MMP26: variants seen among roughly 807,000 people sequenced by gnomAD.
MMP26 encodes the protein matrix metalloproteinase-26.
Under a neutral mutation model 31.0 loss-of-function variants are expected in MMP26, and 33 were observed. The ratio of observed to expected loss-of-function variants is 1.06; its 90% confidence interval spans 0.81 to 1.42. The LOEUF (loss-of-function observed/expected upper bound fraction) is 1.42, where lower values mean the gene tolerates loss of function less well. MMP26 is among the 40% of genes most tolerant of loss of function. The pLI, the probability that MMP26 is intolerant of heterozygous loss-of-function variation, is 0.00. For synonymous variants in MMP26, 122 were observed against 114.9 expected (o/e 1.06, Z -0.40); for missense variants, 347 against 316.1 (o/e 1.10, Z -0.74).
At chr11:4,779,669 C>A (rs1589898181) in intron 2 of MMP26, among the ~76,000 whole-genome samples, 1 of 152,172 alleles carries the variant, frequency 6.6e-6, no homozygotes, top group East Asian at 1.9e-4. Context: ...TTTCTTTCTT[C>A]CTTACATTAG....
intron 1 of MMP26, among the ~76,000 whole-genome samples, chr11:4,737,556 T>G (rs1264941078): frequency 6.6e-6 from 1 of 152,190 alleles, no homozygotes; most frequent in Non-Finnish European, 1.5e-5. Context: ...GGCAGGAGAA[T>G]CGCTTGAACC....
At position 4,804,843 on chromosome 11, in the gene MMP26, G is replaced by A. The variant is rs984346568; in HGVS notation, c.-145+37502G>A. On this transcript the variant is annotated intron_variant, in intron 2 of 7. Transcript: ENST00000380390. ...CCATTAGCCAGGCATGGTAGAGCACGCCTATAGTCCCAGCTACTCAGGAGG... is the reference window on the plus strand; with the variant it reads ...CCATTAGCCAGGCATGGTAGAGCACACCTATAGTCCCAGCTACTCAGGAGG... 3.3e-5 allele frequency among the ~76,000 whole-genome samples: 5 copies of A among 151,100 alleles called. No individual in the cohort carries two copies. In the South Asian group the frequency reaches 1.1e-3, roughly 32 times the overall value.
intron 2 of MMP26, among the ~76,000 whole-genome samples, chr11:4,830,776 T>C (rs183725181): frequency 1.3e-3 from 199 of 152,230 alleles, no homozygotes; most frequent in Non-Finnish European, 2.2e-3. Context: ...AGGAGTATGA[T>C]CAGGATCAAA....
Position 4,830,659 on chromosome 11 carries a change from AC to A in MMP26, c.-145+63320del, listed in dbSNP as rs1449453901. Among the ~76,000 whole-genome samples the A allele has an allele frequency of 2.6e-5, 4 of 152,196 alleles. No homozygotes were observed. The South Asian group carries it at 6.2e-4, about 24-fold the overall frequency. ...TGTCAGAATTCAGACTGTTAGCCAT[AC>A]CATTACATAGCCATACCAATAACAG... On this transcript the variant is annotated intron_variant, in intron 2 of 7. Coordinates refer to ENST00000380390, the MANE Select transcript of MMP26 (RefSeq NM_021801.5).
intron 2 of MMP26, among the ~76,000 whole-genome samples, chr11:4,981,576 G>A (rs757665676): frequency 3.3e-5 from 5 of 151,950 alleles, no homozygotes; most frequent in Non-Finnish European, 7.4e-5. Context: ...GGTGAGTCAG[G>A]GAGTGATTGG....
At chr11:4,768,936 A>G in intron 2 of MMP26, 5 of 1,362,280 alleles carry the variant, frequency 3.7e-6, no homozygotes, top group Non-Finnish European at 4.9e-6. Context: ...TCTACAGTGC[A>G]AGTCATTCAT....
chr11:4,918,552 C>G (rs941932125), intron 2 of MMP26, among the ~76,000 whole-genome samples: 1 of 152,084 alleles, frequency 6.6e-6, no homozygotes, highest in Admixed American at 6.6e-5. Flanking sequence ...TTAGCCAGTT[C>G]GCCAGAGAGT....
intron 2 of MMP26, among the ~76,000 whole-genome samples, chr11:4,857,914 G>A (rs931531587): frequency 6.6e-6 from 1 of 152,160 alleles, no homozygotes; most frequent in Non-Finnish European, 1.5e-5. Context: ...TGCAAGGCTG[G>A]TTCGACATAT....
At chr11:4,961,781 C>T (rs768056069) in intron 2 of MMP26, among the ~76,000 whole-genome samples, 8 of 152,074 alleles carry the variant, frequency 5.3e-5, no homozygotes, top group Non-Finnish European at 1.2e-4. Flanking sequence ...GAATTTTTAA[C>T]TTTTGGGACT....
At chr11:4,706,418 C>T (rs1564890796) in intron 1 of MMP26, among the ~76,000 whole-genome samples, 1 of 150,976 alleles carries the variant, frequency 6.6e-6, no homozygotes. Flanking sequence ...AAAAATTATC[C>T]AGGCATGATG....
intron 2 of MMP26, chr11:4,943,117 T>C (rs1846239885): frequency 6.0e-6 from 1 of 166,112 alleles, no homozygotes; most frequent in African/African-American, 2.4e-5. Context: ...AATTTTGTAG[T>C]GTTCCATCCC....
intron 2 of MMP26, among the ~76,000 whole-genome samples, chr11:4,905,454 A>C (rs1416037835): frequency 6.6e-6 from 1 of 152,146 alleles, no homozygotes; most frequent in African/African-American, 2.4e-5. Flanking sequence ...CACAAAATAC[A>C]GTATGAATTC....
chr11:4,717,332 C>A (rs377395043), intron 1 of MMP26, among the ~76,000 whole-genome samples: 1 of 152,058 alleles, frequency 6.6e-6, no homozygotes, highest in East Asian at 1.9e-4. Flanking sequence ...TGATGTTAAA[C>A]AAAGCTAACA....
intron 2 of MMP26, chr11:4,913,879 T>C (rs1851030686): frequency 6.6e-6 from 1 of 152,206 alleles, no homozygotes; most frequent in Non-Finnish European, 1.5e-5. Context: ...CTTAAGGCTA[T>C]TACTGTGTCA....
At chr11:4,844,727 A>G (rs975722560) in intron 2 of MMP26, among the ~76,000 whole-genome samples, 12 of 152,146 alleles carry the variant, frequency 7.9e-5, no homozygotes, top group Admixed American at 7.2e-4. Flanking sequence ...TCATAATAAA[A>G]TCCCTTAAAA....
At chr11:4,739,009 C>G (rs965377236) in intron 1 of MMP26, among the ~76,000 whole-genome samples, 1 of 152,062 alleles carries the variant, frequency 6.6e-6, no homozygotes, top group African/African-American at 2.4e-5. Flanking sequence ...TCTTGATTTT[C>G]TTATCTGTTG....
At position 4,821,593 on chromosome 11, in the gene MMP26, C is replaced by T. The variant is rs113742153; in HGVS notation, c.-145+54252C>T. On this transcript the variant is annotated intron_variant, in intron 2 of 7. Transcript: ENST00000380390. ...TGTGGTCCTCTGTGAACGGAGCCTC[C>T]ATAAGCCTATGTACTATTTCCTCTC... 6.9e-5 allele frequency: 111 copies of T among 1,613,806 alleles called. 2 individuals are homozygous for T. The African/African-American group carries it at 1.1e-3, about 16-fold the overall frequency.
chr11:4,855,443 G>T (rs964483742), intron 2 of MMP26, among the ~76,000 whole-genome samples: 2 of 152,138 alleles, frequency 1.3e-5, no homozygotes, highest in Non-Finnish European at 2.9e-5. Flanking sequence ...TTCAGTAGAC[G>T]ATTCGATCAA....
intron 2 of MMP26, chr11:4,848,750 G>C: frequency 6.2e-7 from 1 of 1,614,018 alleles, no homozygotes; most frequent in Non-Finnish European, 8.5e-7. Flanking sequence ...AAATGGCCAG[G>C]CTGATTTTGC....
Sources: gnomAD v4.1 joint callset for allele counts (sites outside exome capture counted in the v4.1 genomes callset) on GRCh38, gnomAD v4.1.1 for gene constraint, MANE v1.5 for transcripts, NCBI Gene and HGNC (gene_info 2026-07-23, HGNC 2026-07-21) for gene names.